Variants in STRAP observed in about 807,000 individuals in gnomAD.
STRAP encodes serine-threonine kinase receptor-associated protein.
A neutral mutation model predicts 47.0 loss-of-function variants in STRAP; 16 were observed. The observed-to-expected ratio is 0.34, with a 90% CI of 0.23 to 0.52. The LOEUF is 0.52. Ranked by LOEUF, STRAP falls within the 20% of genes least tolerant of loss-of-function variation. The pLI is 0.96. For synonymous variants in STRAP, 130 were observed against 142.7 expected (o/e 0.91, Z 0.63); for missense variants, 293 against 420.0 (o/e 0.70, Z 2.64).
intron 8 of STRAP, among the ~76,000 whole-genome samples, chr12:15,900,515 A>G (rs1289601746): frequency 6.6e-6 from 1 of 150,806 alleles, no homozygotes; most frequent in Admixed American, 6.6e-5. Flanking sequence ...AGAGTGACTC[A>G]GTCTCAAAAA....
chr12:15,882,958 T>C lies in STRAP; in HGVS notation c.112+139T>C, dbSNP rs549995191. 1.0e-4 allele frequency: 138 copies of C among 1,347,718 alleles called. No individual in the cohort carries two copies. The African/African-American group carries it at 1.6e-3, about 16-fold the overall frequency. The allele number at this position is 1,347,718 out of a possible 1,614,324, so 83.5% of individuals were successfully genotyped here. A position where few individuals can be genotyped will look rare whatever the true frequency, so the allele number is the denominator to read the frequency against. On this transcript the variant is annotated intron_variant, in intron 1 of 9. Transcript: ENST00000419869. ...TAACATCTGAGATGAGAGCCAACACTGGTCCGGTGGAGAAAGGAGTGTGTT... is the reference window on the plus strand; with the variant it reads ...TAACATCTGAGATGAGAGCCAACACCGGTCCGGTGGAGAAAGGAGTGTGTT...
rs565361826 is a variant in STRAP at position 15,894,403 on chromosome 12, G to A, written c.500+260G>A. On this transcript the variant is annotated intron_variant, in intron 5 of 9. Coordinates refer to ENST00000419869, the MANE Select transcript of STRAP (RefSeq NM_007178.4). This position sits in a 1 kb window ranked among gnomAD's most constrained non-coding sequence, Gnocchi z 4.9. ...GAACCTGCGAGGCAGAGGTTGCGGT[G>A]AGTCGAGATCGTGCCATTGCACTCT... Among the ~76,000 whole-genome samples the A allele has an allele frequency of 6.6e-6, 1 of 152,374 alleles. No individual in the cohort carries two copies. The highest frequency in any genetic ancestry group is 1.5e-5 in the Non-Finnish European group (1 of 68,042).
At chr12:15,899,845 T>A (rs1565577425) in intron 7 of STRAP, 59 bp from the exon 8 acceptor site, 3 of 1,485,632 alleles carry the variant, frequency 2.0e-6, no homozygotes, top group Non-Finnish European at 2.8e-6. Context: ...TTTTTTTTTT[T>A]AGCATATCAA....
At chr12:15,900,145 C>T in intron 8 of STRAP, 92 bp downstream of exon 8, 2 of 1,311,924 alleles carry the variant, frequency 1.5e-6, no homozygotes, top group Non-Finnish European at 2.1e-6. Context: ...TTCCTGTTTT[C>T]TATAAATTTT....
At chr12:15,882,847 G>A (rs1415519602) in intron 1 of STRAP, 28 bp downstream of exon 1, 4 of 1,591,600 alleles carry the variant, frequency 2.5e-6, no homozygotes, top group Non-Finnish European at 3.4e-6. Flanking sequence ...CCTGGTCCTC[G>A]ACGGCTGGGA....
chr12:15,896,970 A>G lies in STRAP; in HGVS notation c.639-912A>G, dbSNP rs1948064906. ...AATGTCAAGGAGTTTATACACATAC[A>G]GTAAACTGATAGTAGTAGAATACTA... On this transcript the variant is annotated intron_variant, in intron 6 of 9. Coordinates refer to ENST00000419869, the MANE Select transcript of STRAP (RefSeq NM_007178.4). The surrounding 1 kb of genome is among the most constrained non-coding windows in gnomAD (Gnocchi z 4.1). Among the ~76,000 whole-genome samples the G allele has an allele frequency of 6.6e-6, 1 of 152,252 alleles. No individual in the cohort carries two copies. The highest frequency in any genetic ancestry group is 1.5e-5 in the Non-Finnish European group (1 of 68,046).
chr12:15,902,086 C>T (rs753873431), intron 9 of STRAP, among the ~76,000 whole-genome samples: 7 of 151,952 alleles, frequency 4.6e-5, no homozygotes, highest in Non-Finnish European at 1.0e-4. Flanking sequence ...AGCAATTCTC[C>T]TGCGTAAGCC....
intron 4 of STRAP, among the ~76,000 whole-genome samples, chr12:15,892,359 G>A (rs1948023849): frequency 6.6e-6 from 1 of 151,998 alleles, no homozygotes; most frequent in African/African-American, 2.4e-5. Flanking sequence ...TCATTTTACA[G>A]AAGTTATAGG....
Position 15,882,755 on chromosome 12 carries a change from C to A in STRAP, c.48C>A (p.Pro16=). The change falls in exon 1 of 10, where the codon CCC becomes CCA. Residue 16 remains proline, a synonymous_variant. Coordinates refer to ENST00000419869, the MANE Select transcript of STRAP (RefSeq NM_007178.4). ...TCACCTGCTCTGGCCACACGCGACC[C>A]GTGGTTGATTTGGCCTTCAGTGGCA... is the stretch of plus-strand genomic sequence containing the variant. ...TPLTCSGHTR[P]VVDLAFSGIT... 1 of 1,613,698 alleles carries A rather than the reference C, an allele frequency of 6.2e-7. No individual in the cohort carries two copies. The highest frequency in any genetic ancestry group is 8.5e-7 in the Non-Finnish European group (1 of 1,179,960).
Position 15,894,050 on chromosome 12 carries a change from C to T in STRAP, c.407C>T (p.Pro136Leu). ...IYDLNKPEAE[P>L]KEISGHTSGI... Reference sequence around the variant, plus strand: ...CTTTAAATTGTTTTATCTCAAGAACCTAAGGAAATTAGTGGTCATACTTCT... The same window carrying T: ...CTTTAAATTGTTTTATCTCAAGAACTTAAGGAAATTAGTGGTCATACTTCT... Residue 136 changes from proline to leucine, a missense_variant, in exon 5 of 10, where the codon CCT becomes CTT. By Grantham distance (98) the Pro-to-Leu change is moderately conservative. This residue lies in a region of STRAP where 152 missense variants were observed against 183.0 expected (regional missense o/e 0.83). Coordinates refer to ENST00000419869, the MANE Select transcript of STRAP (RefSeq NM_007178.4). The surrounding 1 kb of genome is among the most constrained non-coding windows in gnomAD (Gnocchi z 4.9). The T allele has an allele frequency of 6.2e-7, 1 of 1,608,346 alleles. No individual in the cohort carries two copies. The highest frequency in any genetic ancestry group is 1.1e-5 in the South Asian group (1 of 90,604).
Position 15,894,214 on chromosome 12 carries a change from C to G in STRAP, c.500+71C>G, listed in dbSNP as rs1948041379. 8.0e-7 allele frequency: 1 copy of G among 1,253,384 alleles called. No homozygotes were observed. Among genetic ancestry groups the G allele is most frequent in the Admixed American group, 1.8e-5 (1 of 55,098 alleles). 77.6% of individuals were successfully genotyped at this position (1,253,384 alleles called of 1,614,324 possible). A position where few individuals can be genotyped will look rare whatever the true frequency, so the allele number is the denominator to read the frequency against. On this transcript the variant is annotated intron_variant, in intron 5 of 9. Transcript: ENST00000419869. The surrounding 1 kb of genome is among the most constrained non-coding windows in gnomAD (Gnocchi z 4.9). ...GTGGCTCACGCCTATAATCTCAGCACTTTGGGAGGCGAGCCGGGTGGATCA... is the reference window on the plus strand; with the variant it reads ...GTGGCTCACGCCTATAATCTCAGCAGTTTGGGAGGCGAGCCGGGTGGATCA...
In STRAP at chr12:15,898,598, C is replaced by G. The variant is rs113521589; in HGVS notation, c.775+580C>G. On this transcript the variant is annotated intron_variant, in intron 7 of 9. Coordinates refer to ENST00000419869, the MANE Select transcript of STRAP (RefSeq NM_007178.4). ...TTGCTTTCATTTTCATGATAACAGT[C>G]CTTAGTAAGGGAAAGGGAAAGGCAT... 9.0e-3 allele frequency among the ~76,000 whole-genome samples: 1,369 copies of G among 152,056 alleles called. 19 individuals carry two copies. The highest frequency in any genetic ancestry group is 0.032 in the African/African-American group (1,312 of 41,462).
chr12:15,887,304 G>A lies in STRAP; in HGVS notation c.249-2624G>A, dbSNP rs1028865251. ...AAAGTATCAGGCAGCATTATTATTT[G>A]CAAGAAACTGGGGTATAAGAGGTAA... On this transcript the variant is annotated intron_variant, in intron 2 of 9. Transcript: ENST00000419869. The surrounding 1 kb of genome is among the most constrained non-coding windows in gnomAD (Gnocchi z 5.5). Among the ~76,000 whole-genome samples the A allele has an allele frequency of 1.3e-5, 2 of 152,140 alleles. No homozygotes were observed. The highest frequency in any genetic ancestry group is 6.5e-5 in the Admixed American group (1 of 15,278).
intron 9 of STRAP, among the ~76,000 whole-genome samples, chr12:15,901,796 G>T (rs1321183718): frequency 6.7e-6 from 1 of 149,194 alleles, no homozygotes; most frequent in African/African-American, 2.5e-5. Context: ...AGGAGGTAGA[G>T]GTTGCAGCGA....
rs1376490916 is a variant in STRAP at position 15,891,176 on chromosome 12, A to G, written c.403+507A>G. Among the ~76,000 whole-genome samples, 8 of 152,172 alleles carry G rather than the reference A, an allele frequency of 5.3e-5. No homozygotes were observed. The East Asian group carries it at 7.7e-4, about 15-fold the overall frequency. On this transcript the variant is annotated intron_variant, in intron 4 of 9. Coordinates refer to ENST00000419869, the MANE Select transcript of STRAP (RefSeq NM_007178.4). ...TTTTTAAAAAATAAGTTTATTTGCT[A>G]TGTTGCTATTGTATAACCTTCTTCC...
rs1302339527 is a variant in STRAP at position 15,893,970 on chromosome 12, A to G, written c.404-77A>G. ...TAATTTAAAATGTGTGTTTTTAAAAATATATAATTGTTCCGATATTGTTCA... is the reference window on the plus strand; with the variant it reads ...TAATTTAAAATGTGTGTTTTTAAAAGTATATAATTGTTCCGATATTGTTCA... On this transcript the variant is annotated intron_variant, in intron 4 of 9. Coordinates refer to ENST00000419869, the MANE Select transcript of STRAP (RefSeq NM_007178.4). 6.0e-6 allele frequency: 7 copies of G among 1,165,994 alleles called. No individual in the cohort carries two copies. In the East Asian group the frequency reaches 1.7e-4, roughly 28 times the overall value. The allele number at this position is 1,165,994 out of a possible 1,614,324, so 72.2% of individuals were successfully genotyped here. A position where few individuals can be genotyped will look rare whatever the true frequency, so the allele number is the denominator to read the frequency against.
intron 4 of STRAP, among the ~76,000 whole-genome samples, chr12:15,891,563 C>T (rs1291133713): frequency 6.6e-6 from 1 of 152,198 alleles, no homozygotes; most frequent in Non-Finnish European, 1.5e-5. Flanking sequence ...TTATGCTAAA[C>T]ATCCTTACAG....
At chr12:15,902,837 A>G (rs887940026) in intron 9 of STRAP, 80 bp from the exon 10 acceptor site, 1 of 1,422,230 alleles carries the variant, frequency 7.0e-7, no homozygotes, top group South Asian at 1.5e-5. Context: ...CCTTCATTAC[A>G]CAGAAATGTA....
intron 6 of STRAP, among the ~76,000 whole-genome samples, chr12:15,897,189 A>G (rs1275333181): frequency 1.3e-5 from 2 of 152,204 alleles, no homozygotes; most frequent in Non-Finnish European, 2.9e-5. Flanking sequence ...GATGATGGGA[A>G]GTATTTAGGA....
Sources: gnomAD v4.1 joint callset for allele counts (sites outside exome capture counted in the v4.1 genomes callset) on GRCh38, gnomAD v4.1.1 for gene constraint, gnomAD v4.1.1 regional missense constraint, Gnocchi (gnomAD v3.1) non-coding constraint, MANE v1.5 for transcripts, NCBI Gene and HGNC (gene_info 2026-07-23, HGNC 2026-07-21) for gene names.